DGKG: variants seen among roughly 807,000 people sequenced by gnomAD.
DGKG encodes the protein DAG kinase gamma.
In DGKG, 78 loss-of-function variants were observed where a neutral mutation model predicts 105.3. The observed-to-expected ratio is 0.74, with a 90% CI of 0.62 to 0.89. The LOEUF (loss-of-function observed/expected upper bound fraction) is 0.89, where lower values mean the gene tolerates loss of function less well. Ranked by LOEUF, DGKG falls within the 40% of genes least tolerant of loss-of-function variation. DGKG has a pLI of 0.00. For missense variants in DGKG, 958 were observed against 1,020.1 expected (o/e 0.94, Z 0.83); for synonymous variants, 346 against 367.1 (o/e 0.94, Z 0.66).
intron 20 of DGKG, among the ~76,000 whole-genome samples, chr3:186,213,561 C>T (rs1010401296): frequency 9.9e-5 from 15 of 152,170 alleles, no homozygotes; most frequent in Non-Finnish European, 1.6e-4. Flanking sequence ...GCCCAAGATT[C>T]CTCATCTTCA....
intron 15 of DGKG, among the ~76,000 whole-genome samples, chr3:186,261,320 G>A (rs920077817): frequency 5.3e-5 from 8 of 152,162 alleles, no homozygotes; most frequent in African/African-American, 1.9e-4. Flanking sequence ...CACGGGTGAC[G>A]GTAGCCCAGC....
intron 20 of DGKG, among the ~76,000 whole-genome samples, chr3:186,230,718 G>A (rs1720112745): frequency 6.6e-6 from 1 of 152,134 alleles, no homozygotes; most frequent in Admixed American, 6.5e-5. Context: ...TCCTGAGGAT[G>A]GAACATCTTG....
rs77864297 is a variant in DGKG, at chr3:186,315,056, A to G, written c.67+5337T>C. On this transcript the variant is annotated intron_variant, in intron 2 of 24. Coordinates refer to ENST00000265022, the MANE Select transcript of DGKG (RefSeq NM_001346.3). The stretch of plus-strand genomic sequence containing the variant: ...CACACACCCTCTGCGGTAGAAATCT[A>G]TTTAAATATAGAAACCAAGTATTGG... Among the ~76,000 whole-genome samples, 141 of 152,240 alleles carry G rather than the reference A, an allele frequency of 9.3e-4. 1 individual carries two copies. The highest frequency in any genetic ancestry group is 3.0e-3 in the African/African-American group (126 of 41,528).
In DGKG at chr3:186,164,985, A is replaced by G; in HGVS notation, c.2129T>C (p.Leu710Pro). Reference protein sequence around the residue: ...LSDQLLEVVGLEGAMEMGQIY... With the variant: ...LSDQLLEVVGPEGAMEMGQIY... ...CTGCCCCATCTCCATGGCTCCTTCT[A>G]GCCCCACCACTTCAAGGAGCTGGTC... is the stretch of plus-strand genomic sequence containing the variant. The change falls in exon 23 of 25, where the codon CTA becomes CCA. Residue 710 changes from leucine to proline, a missense_variant. By Grantham distance (98) the Leu-to-Pro change is moderately conservative (BLOSUM62 -3). Coordinates refer to ENST00000265022, the MANE Select transcript of DGKG (RefSeq NM_001346.3). 1.2e-6 allele frequency: 2 copies of G among 1,613,578 alleles called. No individual in the cohort carries two copies. Among genetic ancestry groups the G allele is most frequent in the Non-Finnish European group, 1.7e-6 (2 of 1,179,858 alleles).
chr3:186,315,441 T>G (rs1724771102), intron 2 of DGKG, among the ~76,000 whole-genome samples: 1 of 152,186 alleles, frequency 6.6e-6, no homozygotes, highest in African/African-American at 2.4e-5. Flanking sequence ...ATAATGTGGT[T>G]GTGAGGCCCC....
intron 11 of DGKG, 49 bp from the exon 12 acceptor site, chr3:186,268,966 C>G: frequency 2.2e-6 from 3 of 1,376,214 alleles, no homozygotes; most frequent in Non-Finnish European, 3.1e-6. Context: ...GAACCATGTC[C>G]CCGGGGCCCT....
At chr3:186,260,551 C>G (rs370645404) in intron 15 of DGKG, 38 bp from the exon 16 acceptor site, 2 of 1,454,466 alleles carry the variant, frequency 1.4e-6, no homozygotes, top group African/African-American at 2.8e-5. Context: ...GAGAGAGAGA[C>G]AGAGAAGGAA....
At chr3:186,317,283 G>A (rs1724863459) in intron 2 of DGKG, among the ~76,000 whole-genome samples, 2 of 152,118 alleles carry the variant, frequency 1.3e-5, no homozygotes, top group African/African-American at 4.8e-5. Flanking sequence ...TCATTCTCCA[G>A]CCTCTTCTTT....
intron 16 of DGKG, among the ~76,000 whole-genome samples, chr3:186,259,866 A>G (rs1448896764): frequency 6.6e-6 from 1 of 152,202 alleles, no homozygotes; most frequent in African/African-American, 2.4e-5. Flanking sequence ...TTACAACCCC[A>G]TGCTAACGAG....
chr3:186,338,812 C>T lies in DGKG; in HGVS notation c.-248-18105G>A, dbSNP rs150140853. ...TACGTACATTGGTTAGAGATGGAGGCTTACGGAACATTGACTTGAAGGCAG... is the reference window on the plus strand; with the variant it reads ...TACGTACATTGGTTAGAGATGGAGGTTTACGGAACATTGACTTGAAGGCAG... On this transcript the variant is annotated intron_variant, in intron 1 of 24. Coordinates refer to ENST00000265022, the MANE Select transcript of DGKG (RefSeq NM_001346.3). Among the ~76,000 whole-genome samples, 33 of 152,170 alleles carry T rather than the reference C, an allele frequency of 2.2e-4. No individual in the cohort carries two copies. In the East Asian group the frequency reaches 6.4e-3, roughly 29 times the overall value.
intron 21 of DGKG, among the ~76,000 whole-genome samples, chr3:186,200,225 C>G: frequency 6.6e-6 from 1 of 152,236 alleles, no homozygotes; most frequent in Middle Eastern, 3.4e-3. Context: ...TGAAAGGCAG[C>G]CATGTGGAGG....
chr3:186,302,538 GTA>G (rs769000961), intron 3 of DGKG, among the ~76,000 whole-genome samples: 9,731 of 34,786 alleles, frequency 0.28, 575 homozygotes, highest in Middle Eastern at 0.32. Flanking sequence ...ATATACATAT[GTA>G]TATATATATA....
In DGKG at chr3:186,285,679, C is replaced by CTT. The variant is rs34275225; in HGVS notation, c.545-972_545-971dup. 5.1e-3 allele frequency among the ~76,000 whole-genome samples: 684 copies of CTT among 133,192 alleles called. 10 individuals carry two copies. Among genetic ancestry groups the CTT allele is most frequent in the Admixed American group, 0.012 (158 of 13,052 alleles). 87.4% of individuals were successfully genotyped at this position (133,192 alleles called of 152,430 possible). On this transcript the variant is annotated intron_variant, in intron 6 of 24. Coordinates refer to ENST00000265022, the MANE Select transcript of DGKG (RefSeq NM_001346.3). ...TTTTCCTGCTATTCTTTCTTTCTTTCTTTTTTTTTTTTTTTTTGAGACAGA... is the reference window on the plus strand; with the variant it reads ...TTTTCCTGCTATTCTTTCTTTCTTTCTTTTTTTTTTTTTTTTTTTGAGACAGA...
intron 21 of DGKG, chr3:186,207,285 A>T (rs533800159): frequency 6.0e-6 from 1 of 167,372 alleles, no homozygotes; most frequent in Non-Finnish European, 1.2e-5. Flanking sequence ...GATATGCCCA[A>T]ACCTGGTTGA....
intron 7 of DGKG, among the ~76,000 whole-genome samples, chr3:186,283,483 G>C (rs1188475326): frequency 6.6e-6 from 1 of 152,042 alleles, no homozygotes; most frequent in Non-Finnish European, 1.5e-5. Flanking sequence ...CCCCCTCCTA[G>C]AGAGGCCTTC....
At chr3:186,259,651 C>G (rs139897434) in intron 16 of DGKG, among the ~76,000 whole-genome samples, 1 of 152,012 alleles carries the variant, frequency 6.6e-6, no homozygotes, top group East Asian at 1.9e-4. Context: ...CAAATGGCTG[C>G]GTGCTGGGCA....
At chr3:186,262,069 C>A (rs1471783809) in intron 14 of DGKG, 17 of 279,670 alleles carry the variant, frequency 6.1e-5, no homozygotes, top group Admixed American at 5.9e-4. Context: ...GTACCTACAG[C>A]ACAAGATGAA....
At chr3:186,322,906 C>T (rs1725150244) in intron 1 of DGKG, among the ~76,000 whole-genome samples, 1 of 152,142 alleles carries the variant, frequency 6.6e-6, no homozygotes, top group South Asian at 2.1e-4. Context: ...AGCTAAGCTC[C>T]TCCCCTTTTC....
At chr3:186,339,002 G>A (rs999581882) in intron 1 of DGKG, among the ~76,000 whole-genome samples, 2 of 152,146 alleles carry the variant, frequency 1.3e-5, no homozygotes, top group South Asian at 4.1e-4. Flanking sequence ...ATGCATGAAT[G>A]TATACCATTG....
Sources: allele counts gnomAD v4.1 joint callset (sites outside exome capture counted in the v4.1 genomes callset), GRCh38; gene constraint gnomAD v4.1.1; transcripts MANE v1.5; gene names NCBI Gene and HGNC (gene_info 2026-07-23, HGNC 2026-07-21).